Variants in BLTP1 observed in about 807,000 individuals in gnomAD.
BLTP1 encodes fragile site-associated protein.
the BLTP1 span, among the ~76,000 whole-genome samples, chr4:122,280,523 C>T: frequency 5.9e-5 from 9 of 151,882 alleles, no homozygotes; most frequent in Admixed American, 1.3e-4. Context: ...AATAAAAATA[C>T]GTGGTGGCAG....
chr4:122,194,069 A>G, the BLTP1 span, among the ~76,000 whole-genome samples: 1 of 152,052 alleles, frequency 6.6e-6, no homozygotes, highest in Non-Finnish European at 1.5e-5. Flanking sequence ...TCACCGTTTT[A>G]GCCGGGATGG....
chr4:122,328,938 A>G, the BLTP1 span: 1 of 164,808 alleles, frequency 6.1e-6, no homozygotes, highest in African/African-American at 2.4e-5. Context: ...AGTTTCTAAT[A>G]ATGGTAATAA....
chr4:122,306,616 C>T, the BLTP1 span: 1,480 of 972,134 alleles, frequency 1.5e-3, 15 homozygotes, highest in African/African-American at 0.025. Flanking sequence ...TTTTATATCC[C>T]AGGGCCTAGA....
At chr4:122,307,799 C>G in the BLTP1 span, 4 of 1,449,592 alleles carry the variant, frequency 2.8e-6, no homozygotes, top group African/African-American at 5.7e-5. Context: ...ACTATATGTC[C>G]TCTTAGATCT....
the BLTP1 span, among the ~76,000 whole-genome samples, chr4:122,253,640 G>A: frequency 8.5e-5 from 13 of 152,048 alleles, no homozygotes; most frequent in Non-Finnish European, 1.6e-4. Flanking sequence ...AACGAAGCAT[G>A]CCTACAAGAT....
the BLTP1 span, chr4:122,238,220 G>A: frequency 6.2e-7 from 1 of 1,614,008 alleles, no homozygotes. Flanking sequence ...TTCCTCAGAA[G>A]AGAACAGTAG....
chr4:122,323,533 G>A, the BLTP1 span, among the ~76,000 whole-genome samples: 1 of 151,618 alleles, frequency 6.6e-6, no homozygotes, highest in African/African-American at 2.4e-5. Flanking sequence ...TCAAAGGAAA[G>A]GGGAAAGTTT....
the BLTP1 span, chr4:122,180,079 C>T: frequency 2.0e-6 from 2 of 984,434 alleles, no homozygotes; most frequent in South Asian, 4.7e-5. Context: ...CACACGGCTT[C>T]TTTAAAAAAA....
chr4:122,205,707 CCT>C, the BLTP1 span, among the ~76,000 whole-genome samples: 40 of 130,416 alleles, frequency 3.1e-4, no homozygotes, highest in African/African-American at 4.0e-4. Context: ...CAATTGTTTC[CCT>C]CTCTCTCTCT....
chr4:122,254,317 T>C, the BLTP1 span: 2 of 1,612,060 alleles, frequency 1.2e-6, no homozygotes, highest in African/African-American at 2.7e-5. Context: ...CTCCCACCAA[T>C]GTGAGATCTC....
chr4:122,209,757 ATC>A, the BLTP1 span: 1 of 1,565,864 alleles, frequency 6.4e-7, no homozygotes, highest in Non-Finnish European at 8.6e-7. Flanking sequence ...TGCAACTGGT[ATC>A]TCTGTACAAT....
the BLTP1 span, chr4:122,251,070 C>T: frequency 1.0e-6 from 1 of 985,290 alleles, no homozygotes; most frequent in Non-Finnish European, 1.2e-6. Flanking sequence ...ACAGCAACAA[C>T]AAAAATATTC....
At chr4:122,335,466 C>G in the BLTP1 span, among the ~76,000 whole-genome samples, 6,734 of 152,080 alleles carry the variant, frequency 0.044, 427 homozygotes, top group African/African-American at 0.14. Context: ...TCAGACTAGA[C>G]AAGAATTATT....
chr4:122,349,400 G>T, the BLTP1 span: 1 of 1,559,378 alleles, frequency 6.4e-7, no homozygotes, highest in Non-Finnish European at 8.7e-7. This position sits in a 1 kb window ranked among gnomAD's most constrained non-coding sequence, Gnocchi z 4.5. Context: ...ATTCTCATGA[G>T]TTTTTCCCAT....
At chr4:122,348,899 A>G in the BLTP1 span, 5 of 544,316 alleles carry the variant, frequency 9.2e-6, no homozygotes, top group African/African-American at 9.7e-5. Flanking sequence ...ATAAAACATC[A>G]TGAAATATAT....
At chr4:122,249,102 G>T in the BLTP1 span, 1,083 of 881,124 alleles carry the variant, frequency 1.2e-3, 16 homozygotes, top group African/African-American at 0.017. Context: ...GCTATAATTT[G>T]CCTAGAAAAT....
chr4:122,279,850 T>C, the BLTP1 span: 2 of 1,614,024 alleles, frequency 1.2e-6, no homozygotes, highest in Non-Finnish European at 1.7e-6. Flanking sequence ...CAAACAATGC[T>C]GCTGTGTTCA....
chr4:122,355,755 A>C, the BLTP1 span: 1 of 1,544,398 alleles, frequency 6.5e-7, no homozygotes, highest in Non-Finnish European at 8.8e-7. Flanking sequence ...GTCAATGCCT[A>C]TTGTTTTAAT....
chr4:122,318,324 T>G, the BLTP1 span: 1 of 1,417,480 alleles, frequency 7.1e-7, no homozygotes, highest in Non-Finnish European at 9.9e-7. Context: ...GACTTTTTCC[T>G]ATCATATCTA....
Sources: gnomAD v4.1 joint callset for allele counts (sites outside exome capture counted in the v4.1 genomes callset) on GRCh38, gnomAD v4.1.1 for gene constraint, Gnocchi (gnomAD v3.1) non-coding constraint, MANE v1.5 for transcripts, NCBI Gene and HGNC (gene_info 2026-07-23, HGNC 2026-07-21) for gene names.